The following KIDINS220 variants were observed in gnomAD, a reference collection of about 807,000 sequenced individuals.
KIDINS220 encodes the protein kinase D-interacting substrate of 220 kDa.
KIDINS220 carries 63 observed loss-of-function variants against 157.6 expected under a neutral mutation model. The ratio of observed to expected loss-of-function variants is 0.40; its 90% CI spans 0.33 to 0.49. The LOEUF is 0.49. KIDINS220 is among the 20% of genes least tolerant of loss of function. KIDINS220 has a pLI of 0.66. For missense variants in KIDINS220, 1,772 were observed against 2,171.2 expected (o/e 0.82, Z 3.65); for synonymous variants, 732 against 783.6 (o/e 0.93, Z 1.10).
intron 21 of KIDINS220, among the ~76,000 whole-genome samples, chr2:8,771,993 GTAAC>G (rs1437973259): frequency 6.6e-6 from 1 of 151,998 alleles, no homozygotes; most frequent in African/African-American, 2.4e-5. Flanking sequence ...AAAAAAGAAT[GTAAC>G]TAACCACTAG....
At chr2:8,766,416 C>T (rs1336200594) in intron 22 of KIDINS220, among the ~76,000 whole-genome samples, 1 of 152,206 alleles carries the variant, frequency 6.6e-6, no homozygotes, top group Non-Finnish European at 1.5e-5. Context: ...AGAACCTGCA[C>T]TACTCTTCAT....
chr2:8,763,036 T>A (rs1668984566), intron 22 of KIDINS220, among the ~76,000 whole-genome samples: 1 of 152,236 alleles, frequency 6.6e-6, no homozygotes. Context: ...AATTTCTATC[T>A]GCTATAACAT....
At chr2:8,757,714 C>CCAT in intron 22 of KIDINS220, 1 of 1,612,564 alleles carries the variant, frequency 6.2e-7, no homozygotes, top group African/African-American at 1.3e-5. Flanking sequence ...TCTCAGCTCT[C>CCAT]CATCAACATG....
intron 1 of KIDINS220, among the ~76,000 whole-genome samples, chr2:8,833,311 C>T (rs757236628): frequency 9.2e-5 from 14 of 152,096 alleles, no homozygotes; most frequent in Non-Finnish European, 1.9e-4. Flanking sequence ...CATATGAAGC[C>T]AATAAATATT....
intron 22 of KIDINS220, among the ~76,000 whole-genome samples, chr2:8,762,052 C>G (rs1036332721): frequency 2.6e-5 from 4 of 152,104 alleles, no homozygotes; most frequent in African/African-American, 9.7e-5. Flanking sequence ...AAAAATATAA[C>G]TATACATAAT....
intron 8 of KIDINS220, 75 bp from the exon 9 acceptor site, chr2:8,800,573 ATCATGTTT>A: frequency 1.9e-6 from 2 of 1,032,124 alleles, no homozygotes; most frequent in South Asian, 3.1e-5. Context: ...GTTACAGTTA[ATCATGTTT>A]TCATATTTTT....
chr2:8,725,878 G>A (rs903989945), downstream of KIDINS220, among the ~76,000 whole-genome samples: 1 of 152,094 alleles, frequency 6.6e-6, no homozygotes, highest in African/African-American at 2.4e-5. Flanking sequence ...TCAGAAAAAC[G>A]AAGAAAGGGT....
At chr2:8,802,808 G>A (rs1674903956) in intron 8 of KIDINS220, 122 bp downstream of exon 8, 2 of 724,554 alleles carry the variant, frequency 2.8e-6, no homozygotes, top group Admixed American at 3.2e-5. Flanking sequence ...TTCAAAGGCA[G>A]AAATAAACTT....
chr2:8,821,591 T>A (rs1201280713), intron 2 of KIDINS220, among the ~76,000 whole-genome samples: 1 of 152,238 alleles, frequency 6.6e-6, no homozygotes, highest in African/African-American at 2.4e-5. Context: ...TCTATCAGCC[T>A]TGAAATGGCT....
chr2:8,750,596 AC>A (rs1411548841), intron 23 of KIDINS220, among the ~76,000 whole-genome samples: 1 of 152,232 alleles, frequency 6.6e-6, no homozygotes, highest in Non-Finnish European at 1.5e-5. Flanking sequence ...AGTTATTGGA[AC>A]AATTGACTCT....
intron 4 of KIDINS220, among the ~76,000 whole-genome samples, chr2:8,816,497 C>T (rs899328662): frequency 6.6e-6 from 1 of 152,182 alleles, no homozygotes; most frequent in Non-Finnish European, 1.5e-5. Flanking sequence ...AAGCCAGGCA[C>T]GGAATAACTG....
chr2:8,785,672 G>T, intron 17 of KIDINS220, 69 bp downstream of exon 17: 1 of 1,334,386 alleles, frequency 7.5e-7, no homozygotes, highest in Non-Finnish European at 1.0e-6. Flanking sequence ...ACTTCCTAAA[G>T]CCCAAATGAG....
intron 26 of KIDINS220, among the ~76,000 whole-genome samples, chr2:8,740,679 A>G (rs1224249358): frequency 6.6e-6 from 1 of 152,230 alleles, no homozygotes; most frequent in Non-Finnish European, 1.5e-5. Flanking sequence ...TGTGGCACAT[A>G]ATAGATGCAC....
At chr2:8,741,076 G>A (rs1665559774) in intron 26 of KIDINS220, among the ~76,000 whole-genome samples, 1 of 152,174 alleles carries the variant, frequency 6.6e-6, no homozygotes, top group Non-Finnish European at 1.5e-5. Context: ...TTAAAAAGCT[G>A]TCTGTAGAGA....
intron 22 of KIDINS220, among the ~76,000 whole-genome samples, chr2:8,758,675 CTTT>C (rs1264925696): frequency 6.6e-6 from 1 of 151,954 alleles, no homozygotes; most frequent in Non-Finnish European, 1.5e-5. Flanking sequence ...ATATCTTTCT[CTTT>C]TTTTAATGTA....
At chr2:8,815,075 A>T (rs1307248406) in intron 4 of KIDINS220, among the ~76,000 whole-genome samples, 1 of 152,196 alleles carries the variant, frequency 6.6e-6, no homozygotes, top group African/African-American at 2.4e-5. Flanking sequence ...ACTTGCCCAG[A>T]ACTTTTTAAC....
intron 22 of KIDINS220, among the ~76,000 whole-genome samples, chr2:8,759,197 G>A (rs1668432424): frequency 6.6e-6 from 1 of 152,072 alleles, no homozygotes; most frequent in South Asian, 2.1e-4. Flanking sequence ...GTCTATTTCT[G>A]GTTTAAAAGA....
Position 8,747,947 on chromosome 2 carries a change from T to TTTTTACTGA in KIDINS220, c.3467_3468insTCAGTAAAA (p.Gln1156delinsHisGlnTer). The TTTTTACTGA allele has an allele frequency of 6.2e-7, 1 of 1,606,072 alleles. No individual in the cohort carries two copies. The highest frequency in any genetic ancestry group is 1.1e-5 in the South Asian group (1 of 89,764). On this transcript the variant is annotated stop_gained and protein_altering_variant, in exon 25 of 30. Transcript: ENST00000256707. LOFTEE classifies it high-confidence loss of function. ...TTACTGATGGACGTGAGATGAGATG[T>TTTTTACTGA]TGGGAGCCGCCAGGGTAATACCTTG...
At position 8,750,163 on chromosome 2, in the gene KIDINS220, G is replaced by C. The variant is rs189560315; in HGVS notation, c.3363C>G (p.His1121Gln). 6.2e-7 allele frequency: 1 copy of C among 1,614,212 alleles called. No homozygotes were observed. The highest frequency in any genetic ancestry group is 2.2e-5 in the East Asian group (1 of 44,888). The change falls in exon 24 of 30, where the codon CAC becomes CAG. Residue 1121 changes from histidine (H) to glutamine (Q), a missense_variant. His to Gln is a conservative substitution (Grantham distance 24). Transcript: ENST00000256707. ...FAGGVVSPQP[H>Q]SSYYSGMTGP... Reference sequence around the variant, plus strand: ...CCGTCATGCCGCTGTAATAGCTGCTGTGAGGCTGTGGTGACACCACTCCAC... The same window carrying C: ...CCGTCATGCCGCTGTAATAGCTGCTCTGAGGCTGTGGTGACACCACTCCAC...
Sources: allele counts gnomAD v4.1 joint callset (sites outside exome capture counted in the v4.1 genomes callset), GRCh38; gene constraint gnomAD v4.1.1; transcripts MANE v1.5; gene names NCBI Gene and HGNC (gene_info 2026-07-23, HGNC 2026-07-21).